Variants in ASB5 observed in about 807,000 individuals in gnomAD.
ASB5 encodes ankyrin repeat and SOCS box protein 5.
Under a neutral mutation model 42.1 loss-of-function variants are expected in ASB5, and 45 were observed. The ratio of observed to expected loss-of-function variants is 1.07; its 90% CI spans 0.84 to 1.37. The LOEUF (loss-of-function observed/expected upper bound fraction) is 1.37, where lower values mean the gene tolerates loss of function less well. Among genes scored for constraint, ASB5 ranks in the 40% most tolerant of loss-of-function variants. ASB5 has a pLI of 0.00. For synonymous variants in ASB5, 147 were observed against 150.6 expected (o/e 0.98, Z 0.18); for missense variants, 402 against 399.8 (o/e 1.01, Z -0.05).
In ASB5 at chr4:176,216,858, C is replaced by CT. The variant is rs1561249180; in HGVS notation, c.821_822insA (p.Ser275ValfsTer2). Reference sequence around the variant, plus strand: ...ATATCCTTTCCACCATACTGCTAGACGTAGCTACATCTATAGGTCGCAGAA... The same window carrying CT: ...ATATCCTTTCCACCATACTGCTAGACTGTAGCTACATCTATAGGTCGCAGAA... On this transcript the variant is annotated frameshift_variant, in exon 6 of 7. Coordinates refer to ENST00000296525, the MANE Select transcript of ASB5 (RefSeq NM_080874.4). LOFTEE classifies it high-confidence loss of function. 1 of 1,612,168 alleles carries CT rather than the reference C, an allele frequency of 6.2e-7. No homozygotes were observed. The highest frequency in any genetic ancestry group is 8.5e-7 in the Non-Finnish European group (1 of 1,179,526).
chr4:176,252,774 A>C (rs1026034120), intron 1 of ASB5, among the ~76,000 whole-genome samples: 4 of 152,238 alleles, frequency 2.6e-5, no homozygotes, highest in Admixed American at 6.5e-5. Flanking sequence ...AAATGGTAAG[A>C]ATGCATGATG....
In ASB5 at chr4:176,251,058, G is replaced by A. The variant is rs188196972; in HGVS notation, c.196+17855C>T. Among the ~76,000 whole-genome samples, 735 of 152,004 alleles carry A rather than the reference G, an allele frequency of 4.8e-3. 10 individuals are homozygous for A. The highest frequency in any genetic ancestry group is 6.3e-3 in the Non-Finnish European group (431 of 67,978). ...CTCTAGTCTGAGGACAACAGCTGCC[G>A]AGGAGAAAATCTGATCTGCACCATG... On this transcript the variant is annotated intron_variant, in intron 1 of 6. Coordinates refer to ENST00000296525, the MANE Select transcript of ASB5 (RefSeq NM_080874.4).
At chr4:176,271,751 C>T (rs1447732934), upstream of ASB5, among the ~76,000 whole-genome samples, 1 of 151,980 alleles carries the variant, frequency 6.6e-6, no homozygotes, top group Non-Finnish European at 1.5e-5. Context: ...TTATTATTCA[C>T]ATTTTAAAAA....
At chr4:176,230,710 A>G (rs1040865944) in intron 1 of ASB5, among the ~76,000 whole-genome samples, 1 of 152,188 alleles carries the variant, frequency 6.6e-6, no homozygotes, top group African/African-American at 2.4e-5. Context: ...AAACATATTT[A>G]ATATTAAATA....
At chr4:176,221,426 C>A in intron 4 of ASB5, 24 bp downstream of exon 4, 1 of 1,608,272 alleles carries the variant, frequency 6.2e-7, no homozygotes, top group South Asian at 1.1e-5. Context: ...CTTCCCTTGT[C>A]ACTTAATCCC....
At chr4:176,271,114 A>G (rs1256139913), upstream of ASB5, among the ~76,000 whole-genome samples, 1 of 152,208 alleles carries the variant, frequency 6.6e-6, no homozygotes, top group Admixed American at 6.6e-5. Flanking sequence ...AAAAAACTAC[A>G]GTATAATATT....
At chr4:176,221,341 C>T (rs141181389) in intron 4 of ASB5, 52 bp from the exon 5 acceptor site, 2 of 1,604,596 alleles carry the variant, frequency 1.2e-6, no homozygotes, top group Non-Finnish European at 1.7e-6. Context: ...ACCCCACACA[C>T]CTCACCCCAG....
intron 1 of ASB5, among the ~76,000 whole-genome samples, chr4:176,262,222 A>C (rs1754279008): frequency 6.6e-6 from 1 of 152,238 alleles, no homozygotes; most frequent in Admixed American, 6.5e-5. Flanking sequence ...GACAATATCA[A>C]CGTCCCCTAT....
intron 5 of ASB5, among the ~76,000 whole-genome samples, chr4:176,217,544 C>G (rs935917666): frequency 1.3e-5 from 2 of 152,010 alleles, no homozygotes; most frequent in Non-Finnish European, 2.9e-5. Context: ...CCATTTCTCA[C>G]TTATGTAGTT....
chr4:176,221,662 G>C (rs1753215602), intron 3 of ASB5, 62 bp from the exon 4 acceptor site: 2 of 1,417,196 alleles, frequency 1.4e-6, no homozygotes, highest in Admixed American at 2.1e-5. Context: ...AACCGACTTA[G>C]GCATTGTCAA....
intron 1 of ASB5, among the ~76,000 whole-genome samples, chr4:176,238,989 T>C (rs1255484760): frequency 6.6e-6 from 1 of 152,234 alleles, no homozygotes; most frequent in Non-Finnish European, 1.5e-5. Context: ...GACCAGATTC[T>C]ATGACTAACA....
At chr4:176,247,874 A>G (rs916502905) in intron 1 of ASB5, among the ~76,000 whole-genome samples, 1 of 152,228 alleles carries the variant, frequency 6.6e-6, no homozygotes, top group Non-Finnish European at 1.5e-5. Context: ...CACAGAAGAT[A>G]TTTGTAAATA....
intron 2 of ASB5, among the ~76,000 whole-genome samples, chr4:176,224,877 T>C (rs1166258147): frequency 6.6e-6 from 1 of 152,242 alleles, no homozygotes; most frequent in Admixed American, 6.5e-5. Flanking sequence ...AAAAGATTGC[T>C]TTGGCATCTG....
intron 1 of ASB5, among the ~76,000 whole-genome samples, chr4:176,262,138 A>G (rs887676075): frequency 4.6e-5 from 7 of 152,164 alleles, no homozygotes; most frequent in Admixed American, 4.6e-4. Flanking sequence ...GAGATAGTAA[A>G]TTGAGAAGCA....
chr4:176,222,335 G>C lies in ASB5; in HGVS notation c.362C>G (p.Thr121Ser). The change falls in exon 3 of 7, where the codon ACT (threonine) becomes AGT (serine). Residue 121 changes from threonine to serine, a missense_variant. Transcript: ENST00000296525. ...CLGDHVACAR[T>S]LLEAGANVNA... is the part of the protein sequence containing the mutation. ...TACATTAGCTCCTGCTTCCAGCAGA[G>C]TTCTGGCACATGCCACGTGATCTCC... is the stretch of plus-strand genomic sequence containing the variant. The C allele has an allele frequency of 6.2e-7, 1 of 1,613,714 alleles. No homozygotes were observed. The highest frequency in any genetic ancestry group is 8.5e-7 in the Non-Finnish European group (1 of 1,179,572).
intron 1 of ASB5, among the ~76,000 whole-genome samples, chr4:176,276,073 A>G (rs1754559376): frequency 6.6e-6 from 1 of 152,212 alleles, no homozygotes. Context: ...TGCCTCTACC[A>G]TAGATGTGTA....
At chr4:176,253,735 C>T (rs550133956) in intron 1 of ASB5, among the ~76,000 whole-genome samples, 5 of 152,290 alleles carry the variant, frequency 3.3e-5, no homozygotes, top group African/African-American at 1.2e-4. Flanking sequence ...CATTTCTATA[C>T]ACCAATAACA....
intron 1 of ASB5, chr4:176,241,628 C>T: frequency 2.2e-6 from 3 of 1,394,996 alleles, no homozygotes; most frequent in Non-Finnish European, 1.8e-6. Context: ...TTTTATTCTA[C>T]TTTACTTAAA....
intron 2 of ASB5, 57 bp from the exon 3 acceptor site, chr4:176,222,477 C>G: frequency 7.2e-7 from 1 of 1,381,844 alleles, no homozygotes; most frequent in South Asian, 1.2e-5. Flanking sequence ...AAAAAATCAT[C>G]TATATGGATG....
Sources: gnomAD v4.1 joint callset for allele counts (sites outside exome capture counted in the v4.1 genomes callset) on GRCh38, gnomAD v4.1.1 for gene constraint, MANE v1.5 for transcripts, NCBI Gene and HGNC (gene_info 2026-07-23, HGNC 2026-07-21) for gene names.